The following RGSL1 variants were observed in gnomAD, a reference collection of about 807,000 sequenced individuals.
The protein encoded by RGSL1 is regulator of G protein signaling protein-like.
In RGSL1, 97 loss-of-function variants were observed where a neutral mutation model predicts 124.7. The observed-to-expected ratio is 0.78, with a 90% confidence interval of 0.66 to 0.92. The LOEUF is 0.92. Ranked by LOEUF, RGSL1 falls within the 40% of genes least tolerant of loss-of-function variation. The pLI, the probability that RGSL1 is intolerant of heterozygous loss-of-function variation, is 0.00. For missense variants in RGSL1, 1,233 were observed against 1,288.4 expected (o/e 0.96, Z 0.66); for synonymous variants, 424 against 438.1 (o/e 0.97, Z 0.40).
chr1:182,548,441 C>T lies in RGSL1; in HGVS notation c.2794C>T (p.Pro932Ser). The T allele has an allele frequency of 1.3e-6, 2 of 1,551,634 alleles. No homozygotes were observed. Among genetic ancestry groups the T allele is most frequent in the East Asian group, 2.4e-5 (1 of 40,910 alleles). Residue 932 changes from proline to serine, a missense_variant, in exon 16 of 22, where the codon CCT becomes TCT. Transcript: ENST00000294854. Reference protein sequence around the residue: ...IQKLFLNSDIPPKLRVNVPEF... With the variant: ...IQKLFLNSDISPKLRVNVPEF... ...AAAACTCTTCCTGAATTCTGACATC[C>T]CTCCAAAGCTGAGGGTAAGAAAGAC...
intron 2 of RGSL1, 146 bp from the exon 3 acceptor site, chr1:182,458,173 G>T: frequency 1.6e-6 from 1 of 611,628 alleles, no homozygotes; most frequent in East Asian, 2.8e-5. Flanking sequence ...AGGGCAAGTT[G>T]ATGGAGTAGA....
chr1:182,479,917 A>G (rs1205408542), intron 6 of RGSL1, among the ~76,000 whole-genome samples: 1 of 152,238 alleles, frequency 6.6e-6, no homozygotes, highest in Non-Finnish European at 1.5e-5. Context: ...AAAAGGGTCA[A>G]TTTAATAGGA....
chr1:182,546,587 T>G (rs1251294484), intron 15 of RGSL1, among the ~76,000 whole-genome samples: 2 of 152,020 alleles, frequency 1.3e-5, no homozygotes, highest in Non-Finnish European at 2.9e-5. Context: ...AGGGATGTGG[T>G]TTCACCATGT....
At chr1:182,461,191 C>G (rs1652804029) in intron 4 of RGSL1, among the ~76,000 whole-genome samples, 1 of 151,538 alleles carries the variant, frequency 6.6e-6, no homozygotes, top group Non-Finnish European at 1.5e-5. Context: ...TCAAAAACAA[C>G]TGCATATATG....
At chr1:182,508,474 T>A (rs530387288) in intron 9 of RGSL1, among the ~76,000 whole-genome samples, 3 of 151,780 alleles carry the variant, frequency 2.0e-5, no homozygotes, top group African/African-American at 7.2e-5. Flanking sequence ...TAGTTTTGTA[T>A]TTTTAGTAGA....
Position 182,493,073 on chromosome 1 carries a change from C to G in RGSL1, c.1769C>G (p.Ala590Gly). The G allele has an allele frequency of 6.4e-7, 1 of 1,551,658 alleles. No individual in the cohort carries two copies. Among genetic ancestry groups the G allele is most frequent in the Admixed American group, 2.0e-5 (1 of 51,004 alleles). ...CTTTGCTACAAGAACCCAAAGATGG[C>G]CATACAGAAGATCAGTGATGACTAC... is the stretch of plus-strand genomic sequence containing the variant. ...EELCYKNPKM[A>G]IQKISDDYKI... The change falls in exon 9 of 22, where the codon GCC (alanine) becomes GGC (glycine). Residue 590 changes from alanine (A) to glycine (G), a missense_variant. Transcript: ENST00000294854.
At chr1:182,472,853 AC>A (rs1653964559) in intron 5 of RGSL1, among the ~76,000 whole-genome samples, 1 of 152,190 alleles carries the variant, frequency 6.6e-6, no homozygotes, top group African/African-American at 2.4e-5. Flanking sequence ...AAGTCTATGT[AC>A]TTTTGTAATT....
intron 9 of RGSL1, among the ~76,000 whole-genome samples, chr1:182,495,688 T>A (rs1257212387): frequency 1.3e-5 from 2 of 152,204 alleles, no homozygotes; most frequent in Non-Finnish European, 2.9e-5. Context: ...CAGCTGTTTA[T>A]TTTCACCAAG....
chr1:182,490,861 T>C (rs143019952), intron 8 of RGSL1, among the ~76,000 whole-genome samples: 5 of 152,124 alleles, frequency 3.3e-5, no homozygotes, highest in Non-Finnish European at 5.9e-5. Flanking sequence ...CTCAGGTAGG[T>C]TGGTGTCTCA....
Position 182,553,474 on chromosome 1 carries a change from G to T in RGSL1, c.3063G>T (p.Arg1021Ser). Residue 1021 changes from arginine to serine, a missense_variant, in exon 19 of 22, where the codon AGG (arginine) becomes AGT (serine). By Grantham distance (110) the Arg-to-Ser change is moderately radical. Transcript: ENST00000294854. ...FSSGGDNAIL[R>S]FTLLRGIEWL... ...CCCCAGGAGACAATGCCATCTTAAG[G>T]TTCACCTTGCTCAGAGGTATTGAGT... 1 of 1,551,892 alleles carries T rather than the reference G, an allele frequency of 6.4e-7. No individual in the cohort carries two copies. Among genetic ancestry groups the T allele is most frequent in the Non-Finnish European group, 8.7e-7 (1 of 1,146,990 alleles).
At chr1:182,527,455 A>G (rs1658832837) in intron 10 of RGSL1, 124 bp from the exon 11 acceptor site, 19 of 744,472 alleles carry the variant, frequency 2.6e-5, no homozygotes, top group East Asian at 2.5e-4. Context: ...TCCATCCACA[A>G]TGCTTTTCAC....
intron 1 of RGSL1, chr1:182,450,634 G>A: frequency 4.6e-6 from 1 of 218,828 alleles, no homozygotes; most frequent in East Asian, 9.5e-5. Flanking sequence ...AGGATGTACA[G>A]AGCCTTGTCT....
intron 9 of RGSL1, among the ~76,000 whole-genome samples, chr1:182,521,173 G>GT (rs1658305052): frequency 6.6e-6 from 1 of 152,174 alleles, no homozygotes; most frequent in Non-Finnish European, 1.5e-5. Flanking sequence ...GGGCTCAACT[G>GT]ATCTTCTTGC....
chr1:182,484,275 G>A (rs191976862), intron 6 of RGSL1, among the ~76,000 whole-genome samples: 2 of 152,138 alleles, frequency 1.3e-5, no homozygotes, highest in Admixed American at 1.3e-4. Context: ...GGAATGCACA[G>A]CTGCTCAGTG....
intron 17 of RGSL1, chr1:182,550,038 C>G (rs1660463373): frequency 6.6e-6 from 1 of 152,202 alleles, no homozygotes; most frequent in Admixed American, 6.5e-5. Context: ...CCTGTTCCTC[C>G]TGCAGTTTCT....
chr1:182,536,839 C>G (rs1659577589), intron 14 of RGSL1, among the ~76,000 whole-genome samples: 1 of 152,120 alleles, frequency 6.6e-6, no homozygotes, highest in Non-Finnish European at 1.5e-5. Context: ...AGACCTGCCC[C>G]CATGATTCAA....
chr1:182,469,427 T>C (rs1653631610), intron 4 of RGSL1, among the ~76,000 whole-genome samples: 1 of 152,150 alleles, frequency 6.6e-6, no homozygotes. Context: ...TCTACGGGAC[T>C]AATCATTAGG....
chr1:182,483,120 G>T (rs936623831), intron 6 of RGSL1, among the ~76,000 whole-genome samples: 1 of 152,186 alleles, frequency 6.6e-6, no homozygotes, highest in Non-Finnish European at 1.5e-5. Context: ...CTTCAGGGAG[G>T]TGTTGATCAA....
chr1:182,526,913 G>A (rs1658790957), intron 10 of RGSL1, among the ~76,000 whole-genome samples: 1 of 152,162 alleles, frequency 6.6e-6, no homozygotes, highest in Admixed American at 6.5e-5. Flanking sequence ...TATAAAGGAA[G>A]AAGAAGTAGG....
Sources: gnomAD v4.1 joint callset for allele counts (sites outside exome capture counted in the v4.1 genomes callset) on GRCh38, gnomAD v4.1.1 for gene constraint, MANE v1.5 for transcripts, NCBI Gene and HGNC (gene_info 2026-07-23, HGNC 2026-07-21) for gene names.